GALNT9: variants seen among roughly 807,000 people sequenced by gnomAD.
GALNT9 encodes polypeptide N-acetylgalactosaminyltransferase 9.
GALNT9 carries 47 observed loss-of-function variants against 63.1 expected under a neutral mutation model. The ratio of observed to expected loss-of-function variants is 0.75; its 90% CI spans 0.59 to 0.95. GALNT9 has a LOEUF of 0.95. Among genes scored for constraint, GALNT9 ranks in the 40% least tolerant of loss-of-function variants. The pLI is 0.00. For missense variants in GALNT9, 829 were observed against 874.8 expected, an observed-to-expected ratio of 0.95 and a Z score of 0.66; for synonymous variants, 396 against 365.7, an observed-to-expected ratio of 1.08 and a Z score of -0.94.
At chr12:132,308,549 GC>G (rs1186016846) in intron 1 of GALNT9, among the ~76,000 whole-genome samples, 2 of 152,134 alleles carry the variant, frequency 1.3e-5, no homozygotes, top group Non-Finnish European at 2.9e-5. Context: ...GGGATGTGGG[GC>G]AGCCCCACGA....
Position 132,300,442 on chromosome 12 carries a change from A to G in GALNT9, c.239-14012T>C, listed in dbSNP as rs184441131. Among the ~76,000 whole-genome samples the G allele has an allele frequency of 3.1e-3, 408 of 130,142 alleles. 27 individuals carry two copies. Among genetic ancestry groups the G allele is most frequent in the African/African-American group, 0.012 (372 of 29,822 alleles). The allele number at this position is 130,142 out of a possible 152,430, so 85.4% of individuals were successfully genotyped here. On this transcript the variant is annotated intron_variant, in intron 1 of 10. Coordinates refer to ENST00000328957, the MANE Select transcript of GALNT9 (RefSeq NM_001122636.2). ...ACCACACCTAACGCACCCCTGAGAT[A>G]ACCAAGCCACTGCTGAGATAACCCA... is the stretch of plus-strand genomic sequence containing the variant.
chr12:132,199,591 G>A (rs1875839596), intron 8 of GALNT9, among the ~76,000 whole-genome samples: 4 of 152,118 alleles, frequency 2.6e-5, no homozygotes, highest in African/African-American at 2.4e-5. Flanking sequence ...GTGCCCTTGC[G>A]GCTCCCACTG....
chr12:132,236,418 G>A lies in GALNT9; in HGVS notation c.1077+11492C>T, dbSNP rs114644328. 0.011 allele frequency among the ~76,000 whole-genome samples: 1,619 copies of A among 152,080 alleles called. 22 individuals carry two copies. Among genetic ancestry groups the A allele is most frequent in the African/African-American group, 0.034 (1,428 of 41,466 alleles). On this transcript the variant is annotated intron_variant, in intron 6 of 10. Coordinates refer to ENST00000328957, the MANE Select transcript of GALNT9 (RefSeq NM_001122636.2). This position sits in a 1 kb window ranked among gnomAD's most constrained non-coding sequence, Gnocchi z 5.6. The stretch of plus-strand genomic sequence containing the variant: ...GAACCGGAGGGGAAGACCCCACAGC[G>A]TCTGCGGAGCTCCCTGAGGCCCCAT...
intron 1 of GALNT9, among the ~76,000 whole-genome samples, chr12:132,291,608 C>T (rs2135567089): frequency 2.0e-5 from 2 of 99,940 alleles, no homozygotes; most frequent in South Asian, 5.3e-4. Flanking sequence ...ACACCACCCA[C>T]CTCCACAGCA....
At chr12:132,313,358 C>G (rs1177719145) in intron 1 of GALNT9, among the ~76,000 whole-genome samples, 1 of 150,822 alleles carries the variant, frequency 6.6e-6, no homozygotes, top group Non-Finnish European at 1.5e-5. Flanking sequence ...TCTCTCCACC[C>G]ACCCACTAAT....
intron 5 of GALNT9, among the ~76,000 whole-genome samples, chr12:132,254,312 T>A (rs957288604): frequency 2.0e-5 from 3 of 152,220 alleles, no homozygotes; most frequent in Non-Finnish European, 4.4e-5. Context: ...ACCCGGCCCC[T>A]CCGCTGCTTT....
chr12:132,204,798 A>C (rs1876541402), intron 6 of GALNT9, among the ~76,000 whole-genome samples: 1 of 151,798 alleles, frequency 6.6e-6, no homozygotes, highest in African/African-American at 2.4e-5. Context: ...GATGCCACCC[A>C]CGGGCTGACA....
intron 6 of GALNT9, among the ~76,000 whole-genome samples, chr12:132,210,766 A>AGG (rs1384688522): frequency 6.6e-6 from 1 of 151,552 alleles, no homozygotes; most frequent in Non-Finnish European, 1.5e-5. Flanking sequence ...GCACCAAAAA[A>AGG]GGGCTTGGTC....
At position 132,197,073 on chromosome 12, in the gene GALNT9, C is replaced by T. The variant is rs1466506630; in HGVS notation, c.*34G>A. Reference sequence around the variant, plus strand: ...CCACACTGGCTCGGCCCAGCGCCTTCCCGAGGTCTGTGGGGGTCCGGGCGG... The same window carrying T: ...CCACACTGGCTCGGCCCAGCGCCTTTCCGAGGTCTGTGGGGGTCCGGGCGG... On this transcript the variant is annotated 3_prime_UTR_variant, in exon 11 of 11. Coordinates refer to ENST00000328957, the MANE Select transcript of GALNT9 (RefSeq NM_001122636.2). The T allele has an allele frequency of 1.2e-6, 2 of 1,611,332 alleles. No homozygotes were observed. The highest frequency in any genetic ancestry group is 8.5e-7 in the Non-Finnish European group (1 of 1,178,328).
chr12:132,206,759 G>A (rs982229412), intron 6 of GALNT9, among the ~76,000 whole-genome samples: 2 of 152,142 alleles, frequency 1.3e-5, no homozygotes, highest in African/African-American at 2.4e-5. Flanking sequence ...AGGAGGAGCC[G>A]AGCCCCCACA....
In GALNT9 at chr12:132,316,233, T is replaced by A. The variant is rs1868503146; in HGVS notation, c.238+12733A>T. Among the ~76,000 whole-genome samples, 1 of 152,014 alleles carries A rather than the reference T, an allele frequency of 6.6e-6. No individual in the cohort carries two copies. Among genetic ancestry groups the A allele is most frequent in the Non-Finnish European group, 1.5e-5 (1 of 67,996 alleles). ...ATGAAGCTGGATCACAGTCAGTGCC[T>A]GCCCCGGGCCCCGACCTGCAAAGGG... On this transcript the variant is annotated intron_variant, in intron 1 of 10. Coordinates refer to ENST00000328957, the MANE Select transcript of GALNT9 (RefSeq NM_001122636.2). The surrounding 1 kb of genome is among the most constrained non-coding windows in gnomAD (Gnocchi z 4.3).
intron 6 of GALNT9, among the ~76,000 whole-genome samples, chr12:132,230,941 G>A (rs1877867585): frequency 6.6e-6 from 1 of 152,228 alleles, no homozygotes; most frequent in Non-Finnish European, 1.5e-5. Flanking sequence ...TCTGGGCACT[G>A]GAAAAGTAGT....
At chr12:132,217,821 T>C (rs1459058595) in intron 6 of GALNT9, among the ~76,000 whole-genome samples, 1 of 150,022 alleles carries the variant, frequency 6.7e-6, no homozygotes, top group African/African-American at 2.5e-5. Flanking sequence ...CACCCATCCA[T>C]CCACCCACTC....
chr12:132,249,310 G>T (rs1027836744), intron 5 of GALNT9, among the ~76,000 whole-genome samples: 2 of 152,232 alleles, frequency 1.3e-5, no homozygotes, highest in East Asian at 1.9e-4. Context: ...ATCCTCCTCT[G>T]CGTATCAACG....
intron 5 of GALNT9, among the ~76,000 whole-genome samples, chr12:132,250,523 C>G (rs1878872274): frequency 6.6e-6 from 1 of 152,234 alleles, no homozygotes; most frequent in African/African-American, 2.4e-5. Context: ...GGCACAGTGG[C>G]TCACGCCTGT....
intron 1 of GALNT9, among the ~76,000 whole-genome samples, chr12:132,326,227 ATGAGACTTAC>A (rs1869031509): frequency 6.6e-6 from 1 of 152,256 alleles, no homozygotes; most frequent in Non-Finnish European, 1.5e-5. Context: ...TTTAGCGTTT[ATGAGACTTAC>A]TGTGTCTGCT....
chr12:132,254,599 C>T (rs909390468), intron 5 of GALNT9, among the ~76,000 whole-genome samples: 21 of 152,196 alleles, frequency 1.4e-4, no homozygotes, highest in African/African-American at 4.6e-4. Flanking sequence ...TGATGGGGCT[C>T]TCGCCCAGAC....
intron 1 of GALNT9, among the ~76,000 whole-genome samples, chr12:132,324,562 G>T (rs1868951951): frequency 6.6e-6 from 1 of 152,240 alleles, no homozygotes; most frequent in Non-Finnish European, 1.5e-5. Context: ...GCAGCGGGGG[G>T]TCTTTGGACT....
At chr12:132,260,828 G>A in intron 4 of GALNT9, 120 bp downstream of exon 4, 1 of 1,351,852 alleles carries the variant, frequency 7.4e-7, no homozygotes, top group Non-Finnish European at 9.7e-7. Context: ...GAAGGCTACG[G>A]CGAGTCTCCC....
Sources: gnomAD v4.1 joint callset for allele counts (sites outside exome capture counted in the v4.1 genomes callset) on GRCh38, gnomAD v4.1.1 for gene constraint, Gnocchi (gnomAD v3.1) non-coding constraint, MANE v1.5 for transcripts, NCBI Gene and HGNC (gene_info 2026-07-23, HGNC 2026-07-21) for gene names.